STARD13: variants seen among roughly 807,000 people sequenced by gnomAD.
STARD13 encodes the protein StAR related lipid transfer domain containing 13.
A neutral mutation model predicts 106.4 loss-of-function variants in STARD13; 62 were observed. The observed-to-expected ratio is 0.58, with a 90% CI of 0.48 to 0.72. STARD13 has a LOEUF of 0.72. Among genes scored for constraint, STARD13 ranks in the 30% least tolerant of loss-of-function variants. The pLI is 0.00. For missense variants in STARD13, 1,387 were observed against 1,424.0 expected (o/e 0.97, Z 0.42); for synonymous variants, 565 against 553.0 (o/e 1.02, Z -0.31).
chr13:33,320,943 T>G (rs1046598861), intron 1 of STARD13, among the ~76,000 whole-genome samples: 2 of 152,218 alleles, frequency 1.3e-5, no homozygotes, highest in African/African-American at 4.8e-5. Flanking sequence ...AACATATCAT[T>G]GAAGGTTAGC....
chr13:33,549,173 A>G, the STARD13 span, among the ~76,000 whole-genome samples: 17 of 152,324 alleles, frequency 1.1e-4, no homozygotes, highest in African/African-American at 3.8e-4. Flanking sequence ...TGGAGAATCT[A>G]TTGAGTTTTT....
chr13:33,531,041 G>A, the STARD13 span, among the ~76,000 whole-genome samples: 4 of 152,122 alleles, frequency 2.6e-5, no homozygotes, highest in African/African-American at 9.7e-5. Flanking sequence ...TCAGGTGGGA[G>A]GTAACTGAAT....
chr13:33,648,946 C>A, the STARD13 span, among the ~76,000 whole-genome samples: 2 of 151,804 alleles, frequency 1.3e-5, no homozygotes, highest in Non-Finnish European at 2.9e-5. Context: ...GCATGCATCA[C>A]CATGCCCAGC....
chr13:33,654,006 T>C, the STARD13 span, among the ~76,000 whole-genome samples: 1 of 152,310 alleles, frequency 6.6e-6, no homozygotes, highest in Non-Finnish European at 1.5e-5. Context: ...CTAGAATGGT[T>C]ATCATAAAAA....
At chr13:33,266,768 G>A (rs1378777616) in intron 1 of STARD13, among the ~76,000 whole-genome samples, 1 of 152,054 alleles carries the variant, frequency 6.6e-6, no homozygotes, top group African/African-American at 2.4e-5. Context: ...ACGCTCCCTT[G>A]AATTGTCAAT....
At chr13:33,419,058 C>G in the STARD13 span, among the ~76,000 whole-genome samples, 1 of 152,180 alleles carries the variant, frequency 6.6e-6, no homozygotes, top group Non-Finnish European at 1.5e-5. Flanking sequence ...TGCATCTTCT[C>G]CTCCAAAGGA....
chr13:33,385,928 T>C, the STARD13 span, among the ~76,000 whole-genome samples: 1 of 151,658 alleles, frequency 6.6e-6, no homozygotes, highest in Non-Finnish European at 1.5e-5. Context: ...AAGCCTAATG[T>C]GTGAGTCAAA....
intron 1 of STARD13, among the ~76,000 whole-genome samples, chr13:33,230,204 T>C (rs142677463): frequency 6.6e-6 from 1 of 152,276 alleles, no homozygotes; most frequent in East Asian, 1.9e-4. Context: ...AGATAAATCT[T>C]GTATTGGAAA....
chr13:33,349,849 C>A (rs750458220), intron 1 of STARD13, among the ~76,000 whole-genome samples: 1 of 152,240 alleles, frequency 6.6e-6, no homozygotes, highest in Non-Finnish European at 1.5e-5. Flanking sequence ...TTCACTCTCC[C>A]TCCCGCGCAT....
intron 1 of STARD13, among the ~76,000 whole-genome samples, chr13:33,340,421 G>A (rs1297312659): frequency 7.1e-6 from 1 of 140,652 alleles, no homozygotes; most frequent in Non-Finnish European, 1.5e-5. Flanking sequence ...TCCCAGTGTG[G>A]AAAAACACTT....
intron 1 of STARD13, among the ~76,000 whole-genome samples, chr13:33,283,021 C>T (rs1441705592): frequency 6.6e-6 from 1 of 152,098 alleles, no homozygotes; most frequent in East Asian, 1.9e-4. Context: ...CAGAGTAAGA[C>T]TCTGTCTCAA....
At chr13:33,634,720 T>C in the STARD13 span, among the ~76,000 whole-genome samples, 32,210 of 152,000 alleles carry the variant, frequency 0.21, 7,419 homozygotes, top group African/African-American at 0.56. Flanking sequence ...CACACACACA[T>C]GCACACACAC....
chr13:33,271,694 G>C (rs1566110581), intron 1 of STARD13: 2 of 152,186 alleles, frequency 1.3e-5, no homozygotes. Flanking sequence ...AGGGGAGTGG[G>C]AGGGTAGTTA....
chr13:33,601,627 G>A, the STARD13 span, among the ~76,000 whole-genome samples: 3 of 152,304 alleles, frequency 2.0e-5, no homozygotes, highest in South Asian at 2.1e-4. Flanking sequence ...GAATTTCTGC[G>A]AAGTGACTTG....
chr13:33,416,337 A>G, the STARD13 span, among the ~76,000 whole-genome samples: 1 of 152,266 alleles, frequency 6.6e-6, no homozygotes, highest in African/African-American at 2.4e-5. Context: ...AGTAGATTCC[A>G]TTTGAGCTAG....
chr13:33,594,887 T>A, the STARD13 span, among the ~76,000 whole-genome samples: 2 of 152,254 alleles, frequency 1.3e-5, no homozygotes, highest in African/African-American at 2.4e-5. Context: ...ATGTGTATAC[T>A]GCATTTCTTT....
At chr13:33,135,070 G>A (rs540762740) in intron 4 of STARD13, among the ~76,000 whole-genome samples, 10 of 152,298 alleles carry the variant, frequency 6.6e-5, no homozygotes, top group South Asian at 2.1e-4. Context: ...CTTTCTAAGC[G>A]CTCCACATTT....
At chr13:33,376,168 G>T in the STARD13 span, among the ~76,000 whole-genome samples, 1 of 152,106 alleles carries the variant, frequency 6.6e-6, no homozygotes. Flanking sequence ...TTTAAGCACA[G>T]GTGACAAACA....
At chr13:33,500,133 A>G in the STARD13 span, among the ~76,000 whole-genome samples, 1 of 151,810 alleles carries the variant, frequency 6.6e-6, no homozygotes, top group Admixed American at 6.6e-5. Context: ...CAAAAGCCCC[A>G]CCTCCAAATA....
Sources: gnomAD v4.1 joint callset for allele counts (sites outside exome capture counted in the v4.1 genomes callset) on GRCh38, gnomAD v4.1.1 for gene constraint, MANE v1.5 for transcripts, NCBI Gene and HGNC (gene_info 2026-07-23, HGNC 2026-07-21) for gene names.